CRYM: variants seen among roughly 807,000 people sequenced by gnomAD.
CRYM encodes the protein ketimine reductase mu-crystallin.
CRYM carries 18 observed loss-of-function variants against 32.9 expected under a neutral mutation model. The observed-to-expected ratio is 0.55, with a 90% confidence interval of 0.38 to 0.81. The LOEUF is 0.81. Ranked by LOEUF, CRYM falls within the 30% of genes least tolerant of loss-of-function variation. The pLI is 0.00. For synonymous variants in CRYM, 153 were observed against 152.4 expected (o/e 1.00, Z -0.03); for missense variants, 337 against 393.5 (o/e 0.86, Z 1.21).
At chr16:21,297,344 G>T (rs923825579) in intron 1 of CRYM, among the ~76,000 whole-genome samples, 3 of 151,896 alleles carry the variant, frequency 2.0e-5, no homozygotes, top group Non-Finnish European at 4.4e-5. Context: ...AGAGAACTGA[G>T]ATCTCACCAT....
intron 1 of CRYM, among the ~76,000 whole-genome samples, chr16:21,296,791 A>T (rs879396790): frequency 3.7e-4 from 55 of 149,768 alleles, no homozygotes; most frequent in Admixed American, 8.6e-4. Context: ...CGGGCGGATC[A>T]TGAGGTCAGG....
In CRYM at chr16:21,277,432, G is replaced by T. The variant is rs553362900; in HGVS notation, c.323C>A (p.Ala108Glu). The change falls in exon 2 of 8, where the codon GCG (alanine) becomes GAG (glutamate). Residue 108 changes from alanine to glutamate, a missense_variant and splice_region_variant. By Grantham distance (107) the Ala-to-Glu change is moderately radical. Coordinates refer to ENST00000572914, the MANE Select transcript of CRYM (RefSeq NM_001376256.1). The surrounding 1 kb of genome is among the most constrained non-coding windows in gnomAD (Gnocchi z 4.2). ...LFEPSNGTLL[A>E]VMDGNVITAK... The stretch of plus-strand genomic sequence containing the variant: ...ACCCCGGGACAGGAAGTTGCTCACC[G>T]CCAGCAGGGTGCCATTGCTGGGCTC... The T allele has an allele frequency of 6.2e-7, 1 of 1,612,652 alleles. No homozygotes were observed. Among genetic ancestry groups the T allele is most frequent in the Non-Finnish European group, 8.5e-7 (1 of 1,179,876 alleles).
chr16:21,290,559 T>C (rs1332857822), intron 1 of CRYM, among the ~76,000 whole-genome samples: 2 of 152,242 alleles, frequency 1.3e-5, no homozygotes, highest in Non-Finnish European at 2.9e-5. Flanking sequence ...AGGGAACCAA[T>C]TCTGGCCACA....
rs144736941 is a variant in CRYM at position 21,277,392 on chromosome 16, C to T, written c.324+39G>A. 2.7e-5 allele frequency: 43 copies of T among 1,608,926 alleles called. No homozygotes were observed. The highest frequency in any genetic ancestry group is 3.6e-5 in the Non-Finnish European group (42 of 1,179,546). ...TTACTTTTGAGCTTCAATCTGGGCC[C>T]AGGGGCCCCATTCCACCCCGGGACA... On this transcript the variant is annotated intron_variant, in intron 2 of 7. Transcript: ENST00000572914. This position sits in a 1 kb window ranked among gnomAD's most constrained non-coding sequence, Gnocchi z 4.2.
intron 1 of CRYM, among the ~76,000 whole-genome samples, chr16:21,293,021 T>TAGACAGA: frequency 7.1e-6 from 1 of 140,548 alleles, no homozygotes; most frequent in East Asian, 2.3e-4. Flanking sequence ...GATAGGTAAG[T>TAGACAGA]AGATAGAAGA....
chr16:21,293,912 A>G (rs982669108), intron 1 of CRYM, among the ~76,000 whole-genome samples: 3 of 152,228 alleles, frequency 2.0e-5, no homozygotes, highest in Non-Finnish European at 2.9e-5. Context: ...AAATACTTCA[A>G]TTGATGAAAA....
chr16:21,262,542 C>T (rs1379994907), intron 5 of CRYM, among the ~76,000 whole-genome samples: 1 of 152,074 alleles, frequency 6.6e-6, no homozygotes, highest in Non-Finnish European at 1.5e-5. Flanking sequence ...TTGCTTAAAC[C>T]TGGGAGGCGG....
At chr16:21,292,158 CTG>C (rs1367287333) in intron 1 of CRYM, among the ~76,000 whole-genome samples, 18 of 152,024 alleles carry the variant, frequency 1.2e-4, no homozygotes, top group African/African-American at 4.1e-4. Context: ...GGTAATCAAA[CTG>C]TGAATTATTC....
intron 1 of CRYM, among the ~76,000 whole-genome samples, chr16:21,286,188 A>G (rs2093406821): frequency 6.6e-6 from 1 of 152,054 alleles, no homozygotes; most frequent in South Asian, 2.1e-4. Flanking sequence ...GAGAATGACA[A>G]ATCTCTTAGA....
chr16:21,271,855 T>C (rs1165417232), intron 3 of CRYM, among the ~76,000 whole-genome samples: 3 of 151,522 alleles, frequency 2.0e-5, no homozygotes, highest in African/African-American at 7.3e-5. Flanking sequence ...ATAATTGATA[T>C]TTTTAAAATT....
At chr16:21,278,634 G>A, upstream of CRYM, 1 of 273,020 alleles carries the variant, frequency 3.7e-6, no homozygotes, top group South Asian at 4.6e-5. Context: ...ACCGTGCCTG[G>A]GAAAGAATGG....
intron 3 of CRYM, among the ~76,000 whole-genome samples, chr16:21,271,620 G>T (rs1439304635): frequency 6.6e-6 from 1 of 152,104 alleles, no homozygotes; most frequent in Admixed American, 6.5e-5. Flanking sequence ...ATATCCACAA[G>T]ACTAGAAATC....
chr16:21,284,348 T>C (rs1332905620), intron 1 of CRYM, among the ~76,000 whole-genome samples: 1 of 152,086 alleles, frequency 6.6e-6, no homozygotes, highest in African/African-American at 2.4e-5. Context: ...AATTTCACCT[T>C]TTTTACCCTT....
upstream of CRYM, among the ~76,000 whole-genome samples, chr16:21,283,254 G>A (rs1424910156): frequency 6.6e-6 from 1 of 152,030 alleles, no homozygotes; most frequent in East Asian, 1.9e-4. Flanking sequence ...CAAAATGTAC[G>A]GGATTCACTC....
At chr16:21,273,446 G>A (rs1465728349) in intron 3 of CRYM, among the ~76,000 whole-genome samples, 1 of 152,190 alleles carries the variant, frequency 6.6e-6, no homozygotes, top group African/African-American at 2.4e-5. Flanking sequence ...TGATTCTTCT[G>A]GGAGCACAGA....
intron 1 of CRYM, among the ~76,000 whole-genome samples, chr16:21,287,624 A>G (rs2093409649): frequency 6.6e-6 from 1 of 152,190 alleles, no homozygotes; most frequent in Admixed American, 6.5e-5. Context: ...CAGTCACCAA[A>G]GGCCATTGCT....
upstream of CRYM, chr16:21,278,346 C>G: frequency 6.8e-7 from 1 of 1,469,082 alleles, no homozygotes; most frequent in South Asian, 1.2e-5. Flanking sequence ...TCTGTGGAGC[C>G]GCCTGCTGGT....
chr16:21,280,110 T>C (rs1339961864), upstream of CRYM, among the ~76,000 whole-genome samples: 2 of 152,202 alleles, frequency 1.3e-5, no homozygotes, highest in African/African-American at 2.4e-5. Flanking sequence ...CCTGGCATGA[T>C]AGTTCACGCC....
chr16:21,284,015 C>G (rs562559375), intron 1 of CRYM: 1 of 152,240 alleles, frequency 6.6e-6, no homozygotes, highest in African/African-American at 2.4e-5. Context: ...TGCCTGCGTC[C>G]TCTGCGCTGG....
Sources: allele counts gnomAD v4.1 joint callset (sites outside exome capture counted in the v4.1 genomes callset), GRCh38; gene constraint gnomAD v4.1.1; non-coding constraint Gnocchi (gnomAD v3.1); transcripts MANE v1.5; gene names NCBI Gene and HGNC (gene_info 2026-07-23, HGNC 2026-07-21).